The following EYA4 variants were observed in gnomAD, a reference collection of about 807,000 sequenced individuals.
EYA4 encodes the protein EYA transcriptional coactivator and phosphatase 4, also known as protein phosphatase EYA4.
A neutral mutation model predicts 87.9 loss-of-function variants in EYA4; 31 were observed. That is an observed-to-expected ratio of 0.35 (90% CI 0.27 to 0.48). The LOEUF is 0.48. Ranked by LOEUF, EYA4 falls within the 20% of genes least tolerant of loss-of-function variation. EYA4 has a pLI of 0.99. For synonymous variants in EYA4, 263 were observed against 270.6 expected, an observed-to-expected ratio of 0.97 and a Z score of 0.28; for missense variants, 678 against 761.4, an observed-to-expected ratio of 0.89 and a Z score of 1.29.
At chr6:133,454,682 A>G (rs1329772167) in intron 5 of EYA4, among the ~76,000 whole-genome samples, 1 of 152,180 alleles carries the variant, frequency 6.6e-6, no homozygotes, top group Non-Finnish European at 1.5e-5. Flanking sequence ...CTGTTACCTA[A>G]TTTCAAATTT....
At position 133,506,108 on chromosome 6, in the gene EYA4, TC is replaced by T; in HGVS notation, c.1200del (p.Met401TrpfsTer3). 1.3e-6 allele frequency: 2 copies of T among 1,590,758 alleles called. No homozygotes were observed. Among genetic ancestry groups the T allele is most frequent in the Non-Finnish European group, 1.7e-6 (2 of 1,158,882 alleles). Reference sequence around the variant, plus strand: ...TTATGTGTACATTTTCTTTACAGGATCCCCCCATGGCTGTAACCCTTGGACT... The same window carrying T: ...TTATGTGTACATTTTCTTTACAGGATCCCCCATGGCTGTAACCCTTGGACT... Reference protein sequence around the residue: ...GSYAQKYGKDPPMAVTLGLRM... With the variant: ...GSYAQKYGKDXPMAVTLGLRM... On this transcript the variant is annotated frameshift_variant, in exon 14 of 20. Transcript: ENST00000355286. LOFTEE classifies it high-confidence loss of function.
At chr6:133,273,374 A>C (rs1157569840) in intron 1 of EYA4, among the ~76,000 whole-genome samples, 2 of 151,960 alleles carry the variant, frequency 1.3e-5, no homozygotes, top group Non-Finnish European at 2.9e-5. Context: ...TTAAGGGTGG[A>C]TCTGCCTTCT....
intron 1 of EYA4, among the ~76,000 whole-genome samples, chr6:133,255,850 T>G (rs1314924374): frequency 6.6e-6 from 1 of 152,106 alleles, no homozygotes; most frequent in Non-Finnish European, 1.5e-5. Context: ...ATTTTTACTA[T>G]TACTAAGTAT....
At chr6:133,280,026 G>T (rs573129412) in intron 2 of EYA4, among the ~76,000 whole-genome samples, 2 of 151,948 alleles carry the variant, frequency 1.3e-5, no homozygotes, top group African/African-American at 4.8e-5. Context: ...AAACCCATTC[G>T]ACCAGAAGGC....
chr6:133,336,412 A>G (rs1029322056), intron 2 of EYA4, among the ~76,000 whole-genome samples: 2 of 152,200 alleles, frequency 1.3e-5, no homozygotes, highest in Admixed American at 6.5e-5. Flanking sequence ...GTGTTTCTAC[A>G]AAAGAAGAAA....
chr6:133,249,548 C>G (rs946316611), intron 1 of EYA4, among the ~76,000 whole-genome samples: 4 of 152,180 alleles, frequency 2.6e-5, no homozygotes, highest in Admixed American at 6.5e-5. Context: ...GAACCTTGCT[C>G]AGGTTGCTCT....
At chr6:133,304,030 G>C (rs555742533) in intron 2 of EYA4, among the ~76,000 whole-genome samples, 62 of 152,258 alleles carry the variant, frequency 4.1e-4, no homozygotes, top group African/African-American at 1.4e-3. Flanking sequence ...AGAAGGTTCA[G>C]ATCAGTATGT....
chr6:133,366,084 A>G (rs1415284815), intron 2 of EYA4, among the ~76,000 whole-genome samples: 1 of 152,190 alleles, frequency 6.6e-6, no homozygotes, highest in Non-Finnish European at 1.5e-5. Context: ...ATAGGAGATG[A>G]CATTGGTTTT....
chr6:133,381,075 C>CTTT (rs5880181), intron 2 of EYA4, among the ~76,000 whole-genome samples: 6 of 96,820 alleles, frequency 6.2e-5, no homozygotes, highest in African/African-American at 7.8e-5. Context: ...TTTTTTTTTT[C>CTTT]TTTTTTTTTT....
chr6:133,352,212 C>T (rs925845639), intron 2 of EYA4, among the ~76,000 whole-genome samples: 1 of 152,120 alleles, frequency 6.6e-6, no homozygotes, highest in African/African-American at 2.4e-5. Flanking sequence ...GTTTGTATAC[C>T]TTATGCATCA....
At chr6:133,357,303 A>G (rs766486789) in intron 2 of EYA4, among the ~76,000 whole-genome samples, 13 of 151,042 alleles carry the variant, frequency 8.6e-5, no homozygotes, top group Non-Finnish European at 1.3e-4. Flanking sequence ...AAGAGCAGAA[A>G]AAACTAACTA....
At chr6:133,312,632 A>G (rs1051203061) in intron 2 of EYA4, among the ~76,000 whole-genome samples, 3 of 152,226 alleles carry the variant, frequency 2.0e-5, no homozygotes, top group African/African-American at 7.2e-5. Flanking sequence ...GTATTCCTCA[A>G]TATTGGTTTG....
intron 2 of EYA4, among the ~76,000 whole-genome samples, chr6:133,319,509 C>T (rs1780885935): frequency 8.9e-6 from 1 of 112,974 alleles, no homozygotes; most frequent in African/African-American, 2.9e-5. Context: ...TGGATAGTGT[C>T]CCTTTTTTTT....
intron 13 of EYA4, among the ~76,000 whole-genome samples, chr6:133,500,511 T>C (rs1402087968): frequency 6.6e-6 from 1 of 152,144 alleles, no homozygotes; most frequent in Non-Finnish European, 1.5e-5. Flanking sequence ...ACTCTTCCTA[T>C]TGGAGGTTTT....
chr6:133,400,267 C>T (rs184238935), intron 3 of EYA4, among the ~76,000 whole-genome samples: 3 of 152,168 alleles, frequency 2.0e-5, no homozygotes, highest in African/African-American at 7.2e-5. Context: ...CCCAGCACTT[C>T]TGGAGGCCAA....
intron 3 of EYA4, among the ~76,000 whole-genome samples, chr6:133,402,717 G>A (rs544131574): frequency 3.3e-4 from 49 of 146,894 alleles, no homozygotes; most frequent in South Asian, 1.5e-3. Context: ...AAGATGAAAT[G>A]TGATACACAC....
intron 13 of EYA4, among the ~76,000 whole-genome samples, chr6:133,501,451 A>G (rs1191830672): frequency 1.3e-5 from 2 of 152,044 alleles, no homozygotes; most frequent in Non-Finnish European, 2.9e-5. Flanking sequence ...TCCTGAAACC[A>G]TTTTCCAGTT....
intron 5 of EYA4, among the ~76,000 whole-genome samples, chr6:133,451,628 A>T (rs1285245180): frequency 6.6e-6 from 1 of 152,184 alleles, no homozygotes; most frequent in African/African-American, 2.4e-5. Flanking sequence ...GACCTAAAGA[A>T]CACAATACCA....
intron 3 of EYA4, among the ~76,000 whole-genome samples, chr6:133,443,097 T>G (rs1467555159): frequency 6.6e-6 from 1 of 152,108 alleles, no homozygotes; most frequent in African/African-American, 2.4e-5. Flanking sequence ...AAATTGTTCC[T>G]TTCTGGTTTT....
Sources: gnomAD v4.1 joint callset for allele counts (sites outside exome capture counted in the v4.1 genomes callset) on GRCh38, gnomAD v4.1.1 for gene constraint, MANE v1.5 for transcripts, NCBI Gene and HGNC (gene_info 2026-07-23, HGNC 2026-07-21) for gene names.